The following ANKRD42 variants were observed in gnomAD, a reference collection of about 807,000 sequenced individuals.
ANKRD42 encodes ankyrin repeat domain-containing protein 42.
A neutral mutation model predicts 51.5 loss-of-function variants in ANKRD42; 43 were observed. The observed-to-expected ratio is 0.83, with a 90% CI of 0.65 to 1.08. The LOEUF is 1.08. Among genes scored for constraint, ANKRD42 ranks in the 50% least tolerant of loss-of-function variants. ANKRD42 has a pLI of 0.00. For missense variants in ANKRD42, 608 were observed against 629.3 expected (o/e 0.97, Z 0.36); for synonymous variants, 203 against 213.0 (o/e 0.95, Z 0.41).
Position 83,206,139 on chromosome 11 carries a change from A to G in ANKRD42, c.304A>G (p.Ile102Val), listed in dbSNP as rs1862063812. The G allele has an allele frequency of 3.7e-6, 6 of 1,613,974 alleles. No individual in the cohort carries two copies. Among genetic ancestry groups the G allele is most frequent in the Non-Finnish European group, 5.1e-6 (6 of 1,179,824 alleles). ...RGWTASHIAAIRGQDACVQAL... is the reference protein window; with the variant it reads ...RGWTASHIAAVRGQDACVQAL... ...TTGGACAGCATCTCACATAGCTGCA[A>G]TCAGGGGTCAGGATGCTTGTGTACA... Residue 102 changes from isoleucine to valine, a missense_variant, in exon 3 of 11, where the codon ATC becomes GTC. By Grantham distance (29) the Ile-to-Val change is conservative. Transcript: ENST00000533342.
chr11:83,205,633 T>A (rs1004695055), intron 2 of ANKRD42, among the ~76,000 whole-genome samples: 1 of 152,250 alleles, frequency 6.6e-6, no homozygotes, highest in Non-Finnish European at 1.5e-5. Flanking sequence ...ATGTTTGCTC[T>A]GATGCAAAAG....
Position 83,234,528 on chromosome 11 carries a change from T to C in ANKRD42, c.914-1876T>C, listed in dbSNP as rs146836803. 9.1e-4 allele frequency among the ~76,000 whole-genome samples: 138 copies of C among 152,338 alleles called. 1 individual carries two copies. The highest frequency in any genetic ancestry group is 7.7e-3 in the South Asian group (37 of 4,834). On this transcript the variant is annotated intron_variant, in intron 7 of 10. Coordinates refer to ENST00000533342, the MANE Select transcript of ANKRD42 (RefSeq NM_001300975.2). ...GTCACATATCCTAATCAATATTCAA[T>C]AAAAATCTTGGGTAAAATTCTCTTA... is the stretch of plus-strand genomic sequence containing the variant.
intron 3 of ANKRD42, chr11:83,209,440 CGAGGAGTTTGAG>C: frequency 6.3e-7 from 1 of 1,588,698 alleles, no homozygotes; most frequent in Non-Finnish European, 8.6e-7. Context: ...AATACGACGA[CGAGGAGTTTGAG>C]TATCGACATG....
At chr11:83,223,291 T>C (rs754382914) in intron 5 of ANKRD42, among the ~76,000 whole-genome samples, 5 of 152,116 alleles carry the variant, frequency 3.3e-5, no homozygotes, top group Non-Finnish European at 7.4e-5. Context: ...GTATTTATAA[T>C]AGACTGCAGT....
rs1314246736 is a variant in ANKRD42, at chr11:83,194,480, G to C, written c.-191G>C. On this transcript the variant is annotated 5_prime_UTR_variant, in exon 1 of 11. Transcript: ENST00000533342. Reference sequence around the variant, plus strand: ...TACCGCTTCAGTGGCTTTTGGGAGAGAGAAAGTGAAGACGAAGGTTTCCGC... The same window carrying C: ...TACCGCTTCAGTGGCTTTTGGGAGACAGAAAGTGAAGACGAAGGTTTCCGC... The C allele has an allele frequency of 1.4e-6, 1 of 708,982 alleles. No individual in the cohort carries two copies. The highest frequency in any genetic ancestry group is 2.6e-6 in the Non-Finnish European group (1 of 390,694). The allele number at this position is 708,982 out of a possible 1,614,324, so 43.9% of individuals were successfully genotyped here.
At chr11:83,226,352 G>T (rs1302947145) in intron 6 of ANKRD42, among the ~76,000 whole-genome samples, 1 of 152,124 alleles carries the variant, frequency 6.6e-6, no homozygotes, top group African/African-American at 2.4e-5. Context: ...AAAAATGCCA[G>T]ACATGATAGT....
intron 2 of ANKRD42, among the ~76,000 whole-genome samples, chr11:83,205,805 T>G (rs1862048420): frequency 6.6e-6 from 1 of 152,198 alleles, no homozygotes; most frequent in Non-Finnish European, 1.5e-5. Flanking sequence ...CTGACTGTAA[T>G]TGAGTAGTGT....
chr11:83,260,433 C>G (rs1429905042), downstream of ANKRD42: 1 of 152,152 alleles, frequency 6.6e-6, no homozygotes, highest in African/African-American at 2.4e-5. Context: ...TAAGAACTCT[C>G]TTAGGCAATA....
At chr11:83,250,032 G>A (rs1406465110), downstream of ANKRD42, among the ~76,000 whole-genome samples, 1 of 152,058 alleles carries the variant, frequency 6.6e-6, no homozygotes, top group Non-Finnish European at 1.5e-5. Flanking sequence ...ATGGTCAGTG[G>A]ATAAATAAAT....
chr11:83,254,131 T>C (rs113718828), intron 11 of ANKRD42, among the ~76,000 whole-genome samples: 6,373 of 151,876 alleles, frequency 0.042, 641 homozygotes, highest in East Asian at 0.4. Context: ...TGAGCCACCA[T>C]GCCCAGCTAA....
At chr11:83,256,874 C>T (rs2135569387), downstream of ANKRD42, among the ~76,000 whole-genome samples, 1 of 152,184 alleles carries the variant, frequency 6.6e-6, no homozygotes, top group African/African-American at 2.4e-5. Flanking sequence ...AGGTTAATCC[C>T]AGCTCTGCAT....
chr11:83,261,994 G>A, downstream of ANKRD42: 1 of 1,484,234 alleles, frequency 6.7e-7, no homozygotes, highest in Non-Finnish European at 9.3e-7. Flanking sequence ...TGTGTTATAG[G>A]TCTTGTATCT....
At chr11:83,229,014 T>C (rs966713589) in intron 7 of ANKRD42, among the ~76,000 whole-genome samples, 19 of 152,070 alleles carry the variant, frequency 1.2e-4, no homozygotes, top group African/African-American at 3.6e-4. Flanking sequence ...AGGGCTGATA[T>C]AACAAAATGC....
At chr11:83,224,130 G>A (rs985980047) in intron 5 of ANKRD42, among the ~76,000 whole-genome samples, 1 of 151,836 alleles carries the variant, frequency 6.6e-6, no homozygotes, top group Non-Finnish European at 1.5e-5. Context: ...AAATGTTGAA[G>A]TCAGTGTATA....
At chr11:83,202,713 C>T (rs542815663) in intron 2 of ANKRD42, among the ~76,000 whole-genome samples, 20 of 152,272 alleles carry the variant, frequency 1.3e-4, no homozygotes, top group Admixed American at 3.3e-4. Context: ...TAGTTACTGA[C>T]TCCTTAGTGC....
Position 83,209,015 on chromosome 11 carries a change from T to G in ANKRD42, c.331-1285T>G, listed in dbSNP as rs137903084. Among the ~76,000 whole-genome samples, 24 of 152,296 alleles carry G rather than the reference T, an allele frequency of 1.6e-4. No individual in the cohort carries two copies. The East Asian group carries it at 4.6e-3, about 29-fold the overall frequency. On this transcript the variant is annotated intron_variant, in intron 3 of 10. Transcript: ENST00000533342. ...ACCCATATATAGAAACTAGGCCAAT[T>G]GCAAATTCAGATGGAACCTCTTTAG...
chr11:83,214,890 T>C (rs1862470448), intron 5 of ANKRD42: 1 of 152,262 alleles, frequency 6.6e-6, no homozygotes, highest in African/African-American at 2.4e-5. Context: ...CGTGCTACCC[T>C]TCTGGCCTTT....
At chr11:83,257,202 T>C (rs191162796), downstream of ANKRD42, 1 of 401,728 alleles carries the variant, frequency 2.5e-6, no homozygotes. Flanking sequence ...TAGGTCAAAA[T>C]GGCTTTAGTG....
chr11:83,224,422 A>C (rs966904933), intron 5 of ANKRD42, among the ~76,000 whole-genome samples: 1 of 152,122 alleles, frequency 6.6e-6, no homozygotes, highest in Non-Finnish European at 1.5e-5. Flanking sequence ...TCTGGTCTTT[A>C]TAGACTCATG....
Sources: gnomAD v4.1 joint callset for allele counts (sites outside exome capture counted in the v4.1 genomes callset) on GRCh38, gnomAD v4.1.1 for gene constraint, MANE v1.5 for transcripts, NCBI Gene and HGNC (gene_info 2026-07-23, HGNC 2026-07-21) for gene names.